DCC: variants seen among roughly 807,000 people sequenced by gnomAD.
The protein encoded by DCC is DCC netrin 1 receptor, also known as netrin receptor DCC.
In DCC, 58 loss-of-function variants were observed where a neutral mutation model predicts 172.5. That is an observed-to-expected ratio of 0.34 (90% confidence interval 0.27 to 0.42). The LOEUF (loss-of-function observed/expected upper bound fraction) is 0.42, where lower values mean the gene tolerates loss of function less well. Ranked by LOEUF, DCC falls within the 10% of genes least tolerant of loss-of-function variation. The pLI is 1.00. For synonymous variants in DCC, 709 were observed against 644.5 expected, an observed-to-expected ratio of 1.10 and a Z score of -1.52; for missense variants, 1,740 against 1,791.0, an observed-to-expected ratio of 0.97 and a Z score of 0.51.
At chr18:53,030,015 G>A (rs528666460) in intron 5 of DCC, among the ~76,000 whole-genome samples, 65 of 152,238 alleles carry the variant, frequency 4.3e-4, no homozygotes, top group Admixed American at 3.3e-3. Flanking sequence ...AGCAGAAGAG[G>A]GACTCTTTCT....
At chr18:52,708,756 A>G (rs1256597466) in intron 1 of DCC, among the ~76,000 whole-genome samples, 1 of 152,208 alleles carries the variant, frequency 6.6e-6, no homozygotes, top group Non-Finnish European at 1.5e-5. Flanking sequence ...GGAAAGAAAA[A>G]TACAAGAGAA....
At chr18:53,169,680 T>C (rs1032468882) in intron 8 of DCC, among the ~76,000 whole-genome samples, 3 of 152,112 alleles carry the variant, frequency 2.0e-5, no homozygotes, top group African/African-American at 7.2e-5. Flanking sequence ...AGAACATCAC[T>C]GAGAGGGAGG....
chr18:53,408,461 T>C (rs1909799715), intron 19 of DCC, among the ~76,000 whole-genome samples: 2 of 152,168 alleles, frequency 1.3e-5, no homozygotes, highest in African/African-American at 4.8e-5. Context: ...TGGGCAGACG[T>C]CTTCATCAAA....
intron 12 of DCC, among the ~76,000 whole-genome samples, chr18:53,269,713 A>G (rs1202922498): frequency 6.6e-6 from 1 of 152,130 alleles, no homozygotes; most frequent in African/African-American, 2.4e-5. Flanking sequence ...TAGACAAGGA[A>G]ACTGAGGCAA....
chr18:52,869,749 T>C (rs1302872075), intron 2 of DCC, among the ~76,000 whole-genome samples: 1 of 152,186 alleles, frequency 6.6e-6, no homozygotes, highest in African/African-American at 2.4e-5. Context: ...AGCACTGCCC[T>C]GAGTGTATGT....
At chr18:52,481,440 C>A (rs77061264) in intron 1 of DCC, among the ~76,000 whole-genome samples, 1 of 152,058 alleles carries the variant, frequency 6.6e-6, no homozygotes, top group Non-Finnish European at 1.5e-5. Flanking sequence ...GGGAAACTTA[C>A]ATTCCCTCTA....
At chr18:52,583,968 C>T (rs761726304) in intron 1 of DCC, among the ~76,000 whole-genome samples, 9 of 152,162 alleles carry the variant, frequency 5.9e-5, no homozygotes, top group South Asian at 2.1e-4. Flanking sequence ...CACCTACTTT[C>T]GAAACTTACT....
chr18:52,982,427 A>G (rs1477117612), intron 5 of DCC, among the ~76,000 whole-genome samples: 1 of 152,158 alleles, frequency 6.6e-6, no homozygotes, highest in Non-Finnish European at 1.5e-5. Flanking sequence ...GAGCCAGGGA[A>G]GCTAAACACT....
At chr18:52,882,114 A>G (rs985206691) in intron 2 of DCC, among the ~76,000 whole-genome samples, 4 of 152,096 alleles carry the variant, frequency 2.6e-5, no homozygotes, top group African/African-American at 9.7e-5. Context: ...GGTATATAGA[A>G]ATGTTAATGA....
chr18:53,197,851 G>A (rs2055470392), intron 9 of DCC, among the ~76,000 whole-genome samples: 1 of 152,034 alleles, frequency 6.6e-6, no homozygotes, highest in South Asian at 2.1e-4. Flanking sequence ...TGAAAACAGA[G>A]TAAGAGAAAG....
chr18:52,848,617 T>C (rs150253200), intron 2 of DCC, among the ~76,000 whole-genome samples: 32 of 152,330 alleles, frequency 2.1e-4, no homozygotes, highest in African/African-American at 7.2e-4. Flanking sequence ...CATGTTTATT[T>C]ACAGTTGTCT....
At chr18:52,660,874 T>C (rs990059835) in intron 1 of DCC, among the ~76,000 whole-genome samples, 1 of 152,168 alleles carries the variant, frequency 6.6e-6, no homozygotes, top group Non-Finnish European at 1.5e-5. Context: ...ACTTCTAGAA[T>C]AGCAATTCAT....
At chr18:53,163,372 C>A (rs534580129) in intron 8 of DCC, among the ~76,000 whole-genome samples, 1 of 152,118 alleles carries the variant, frequency 6.6e-6, no homozygotes, top group Non-Finnish European at 1.5e-5. Context: ...AAATTTTATT[C>A]TAATATCTCC....
At chr18:52,853,764 G>C (rs960557936) in intron 2 of DCC, among the ~76,000 whole-genome samples, 1 of 152,216 alleles carries the variant, frequency 6.6e-6, no homozygotes, top group African/African-American at 2.4e-5. Flanking sequence ...CACAGGTCTT[G>C]TGAGCAGATA....
At chr18:52,884,205 A>G (rs1168030005) in intron 2 of DCC, among the ~76,000 whole-genome samples, 3 of 152,088 alleles carry the variant, frequency 2.0e-5, no homozygotes, top group Non-Finnish European at 2.9e-5. Flanking sequence ...TTGGTGCTCA[A>G]TAAACCTTCT....
At chr18:52,642,415 C>T (rs1227632659) in intron 1 of DCC, among the ~76,000 whole-genome samples, 1 of 151,850 alleles carries the variant, frequency 6.6e-6, no homozygotes, top group Non-Finnish European at 1.5e-5. Context: ...CACAAATCAC[C>T]AGTAAAGAAC....
At position 53,037,851 on chromosome 18, in the gene DCC, T is replaced by A. The variant is rs569021803; in HGVS notation, c.986-25454T>A. On this transcript the variant is annotated intron_variant, in intron 5 of 28. Coordinates refer to ENST00000442544, the MANE Select transcript of DCC (RefSeq NM_005215.4). The stretch of plus-strand genomic sequence containing the variant: ...GAAAACACTTGAAAGGATTTTTTTT[T>A]AAATATTGAATGAGATAAAATACTG... Among the ~76,000 whole-genome samples, 383 of 152,068 alleles carry A rather than the reference T, an allele frequency of 2.5e-3. 1 individual carries two copies. The highest frequency in any genetic ancestry group is 8.6e-3 in the African/African-American group (355 of 41,518).
chr18:53,413,011 TC>T (rs1712949165), intron 20 of DCC, among the ~76,000 whole-genome samples: 1 of 152,148 alleles, frequency 6.6e-6, no homozygotes, highest in African/African-American at 2.4e-5. Flanking sequence ...CTCCCCAGGG[TC>T]CCACTGGGAT....
At chr18:53,242,871 G>GGTGT (rs3059140) in intron 12 of DCC, among the ~76,000 whole-genome samples, 3,376 of 148,486 alleles carry the variant, frequency 0.023, 113 homozygotes, top group African/African-American at 0.074. Flanking sequence ...ATGACAAGTA[G>GGTGT]GTGTGTGTGT....
Sources: allele counts gnomAD v4.1 joint callset (sites outside exome capture counted in the v4.1 genomes callset), GRCh38; gene constraint gnomAD v4.1.1; transcripts MANE v1.5; gene names NCBI Gene and HGNC (gene_info 2026-07-23, HGNC 2026-07-21).